SMC2: variants seen among roughly 807,000 people sequenced by gnomAD.
SMC2 encodes the protein structural maintenance of chromosomes 2.
In SMC2, 41 loss-of-function variants were observed where a neutral mutation model predicts 142.6. The ratio of observed to expected loss-of-function variants is 0.29; its 90% CI spans 0.22 to 0.37. The LOEUF is 0.37. Among genes scored for constraint, SMC2 ranks in the 10% least tolerant of loss-of-function variants. SMC2 has a pLI of 1.00. For missense variants in SMC2, 1,265 were observed against 1,373.7 expected (o/e 0.92, Z 1.25); for synonymous variants, 463 against 457.5 (o/e 1.01, Z -0.15).
intron 1 of SMC2, 133 bp downstream of exon 1, chr9:104,094,610 C>T (rs1024010665): frequency 5.3e-6 from 2 of 379,986 alleles, no homozygotes; most frequent in Non-Finnish European, 9.3e-6. Flanking sequence ...CTTAGGTGAT[C>T]CTTAGAAATA....
the SMC2 span, among the ~76,000 whole-genome samples, chr9:104,088,655 C>CTT: frequency 0.9 from 136,217 of 152,098 alleles, 61,219 homozygotes; most frequent in African/African-American, 0.97. Context: ...CTGTGGATCT[C>CTT]ATACTAAATC....
Position 104,113,955 on chromosome 9 carries a change from A to G in SMC2, c.1415-9A>G. On this transcript the variant is annotated splice_polypyrimidine_tract_variant and intron_variant, in intron 11 of 24. Coordinates refer to ENST00000374793, the MANE Select transcript of SMC2 (RefSeq NM_006444.3). Reference sequence around the variant, plus strand: ...ACTTGGTTTTAATTTATTATGATTTATCCTTCAGAAAATAAAGAGGAAAGC... The same window carrying G: ...ACTTGGTTTTAATTTATTATGATTTGTCCTTCAGAAAATAAAGAGGAAAGC... The G allele has an allele frequency of 6.6e-7, 1 of 1,519,304 alleles. No individual in the cohort carries two copies. 94.1% of individuals were successfully genotyped at this position (1,519,304 alleles called of 1,614,324 possible).
intron 13 of SMC2, among the ~76,000 whole-genome samples, chr9:104,115,170 C>A (rs1587943046): frequency 6.6e-6 from 1 of 152,074 alleles, no homozygotes; most frequent in East Asian, 1.9e-4. Context: ...CTTCAGTTCT[C>A]ACTTATTATC....
At chr9:104,092,564 G>A (rs761708421), upstream of SMC2, 5 of 152,172 alleles carry the variant, frequency 3.3e-5, no homozygotes, top group Non-Finnish European at 7.4e-5. Flanking sequence ...AATAGCTGTG[G>A]AGCCCAGGGG....
intron 1 of SMC2, chr9:104,094,756 ACTTCCCCTC>A (rs1830264710): frequency 4.2e-6 from 1 of 238,970 alleles, no homozygotes; most frequent in Admixed American, 5.6e-5. Context: ...TACTTAAATG[ACTTCCCCTC>A]CTCCCGGAGT....
chr9:104,133,345 G>T (rs1282048406), intron 22 of SMC2, among the ~76,000 whole-genome samples: 7 of 152,044 alleles, frequency 4.6e-5, no homozygotes, highest in Admixed American at 4.6e-4. Flanking sequence ...CCCACACTTG[G>T]CCTAGAACCT....
At position 104,126,675 on chromosome 9, in the gene SMC2, T is replaced by C; in HGVS notation, c.2486T>C (p.Leu829Pro). The change falls in exon 19 of 25, where the codon CTC becomes CCC. Residue 829 changes from leucine (L) to proline (P), a missense_variant. Transcript: ENST00000374793. Reference sequence around the variant, plus strand: ...GCTATCACTCTGGAACTGGAAGAGCTCAAGAGAGAGCATACATCTTACAAA... The same window carrying C: ...GCTATCACTCTGGAACTGGAAGAGCCCAAGAGAGAGCATACATCTTACAAA... The part of the protein sequence containing the change: ...VEAITLELEE[L>P]KREHTSYKQQ... 1 of 1,612,182 alleles carries C rather than the reference T, an allele frequency of 6.2e-7. No individual in the cohort carries two copies. The highest frequency in any genetic ancestry group is 8.5e-7 in the Non-Finnish European group (1 of 1,179,538).
At chr9:104,112,913 T>C (rs1037662963) in intron 10 of SMC2, among the ~76,000 whole-genome samples, 3 of 152,164 alleles carry the variant, frequency 2.0e-5, no homozygotes, top group Non-Finnish European at 2.9e-5. Context: ...TTTACTGTTA[T>C]TAGATAGCAC....
Position 104,134,585 on chromosome 9 carries a change from C to A in SMC2, c.3269+10C>A, listed in dbSNP as rs1274074472. The A allele has an allele frequency of 2.0e-6, 3 of 1,508,912 alleles. No individual in the cohort carries two copies. The highest frequency in any genetic ancestry group is 2.4e-5 in the South Asian group (2 of 83,512). 93.5% of individuals were successfully genotyped at this position (1,508,912 alleles called of 1,614,324 possible). A position where few individuals can be genotyped will look rare whatever the true frequency, so the allele number is the denominator to read the frequency against. ...TTAGTGGTGGTCAGAGGTGAGGAAT[C>A]ACTTTGCTATATTATAATTTTCATT... On this transcript the variant is annotated intron_variant, in intron 23 of 24. Coordinates refer to ENST00000374793, the MANE Select transcript of SMC2 (RefSeq NM_006444.3).
intron 2 of SMC2, 119 bp downstream of exon 2, chr9:104,095,671 C>G (rs1237415172): frequency 1.4e-6 from 1 of 709,634 alleles, no homozygotes; most frequent in Non-Finnish European, 2.4e-6. Context: ...TAAATTACAC[C>G]TCACTGCAAC....
At chr9:104,098,230 C>A (rs1249944047) in intron 3 of SMC2, among the ~76,000 whole-genome samples, 1 of 152,200 alleles carries the variant, frequency 6.6e-6, no homozygotes, top group Non-Finnish European at 1.5e-5. Context: ...TGTGTAATTA[C>A]ATAACTAGTT....
At position 104,141,121 on chromosome 9, in the gene SMC2, G is replaced by A. The variant is rs1318092139; in HGVS notation, c.*1806G>A. The A allele has an allele frequency of 6.6e-6, 1 of 152,150 alleles. No homozygotes were observed. The highest frequency in any genetic ancestry group is 2.4e-5 in the African/African-American group (1 of 41,438). 9.4% of individuals were successfully genotyped at this position (152,150 alleles called of 1,614,324 possible). A position where few individuals can be genotyped will look rare whatever the true frequency, so the allele number is the denominator to read the frequency against. On this transcript the variant is annotated 3_prime_UTR_variant, in exon 25 of 25. Coordinates refer to ENST00000374793, the MANE Select transcript of SMC2 (RefSeq NM_006444.3). ...GTTTCACACATCTGCAGTAATATGAGTTAACTAATATTTAACAAGCTCTTT... is the reference window on the plus strand; with the variant it reads ...GTTTCACACATCTGCAGTAATATGAATTAACTAATATTTAACAAGCTCTTT...
At chr9:104,128,325 A>ATTAGC (rs779736907) in intron 20 of SMC2, among the ~76,000 whole-genome samples, 1 of 152,172 alleles carries the variant, frequency 6.6e-6, no homozygotes, top group Non-Finnish European at 1.5e-5. Flanking sequence ...TTGATTTCCC[A>ATTAGC]TTAGCTTAGT....
At chr9:104,134,163 A>G (rs1026522886) in intron 22 of SMC2, among the ~76,000 whole-genome samples, 1 of 152,070 alleles carries the variant, frequency 6.6e-6, no homozygotes, top group Non-Finnish European at 1.5e-5. Flanking sequence ...AGGGCCATAT[A>G]GTAAATATTT....
chr9:104,098,586 T>A lies in SMC2; in HGVS notation c.441+18T>A. 1 of 1,575,428 alleles carries A rather than the reference T, an allele frequency of 6.3e-7. No homozygotes were observed. Among genetic ancestry groups the A allele is most frequent in the Non-Finnish European group, 8.6e-7 (1 of 1,167,878 alleles). ...TCATGCAGGTATTTCGTTTGAGGTCTTTATATCACTTTCGTAATAGTTTCG... is the reference window on the plus strand; with the variant it reads ...TCATGCAGGTATTTCGTTTGAGGTCATTATATCACTTTCGTAATAGTTTCG... On this transcript the variant is annotated intron_variant, in intron 4 of 24. Transcript: ENST00000374793.
Position 104,140,286 on chromosome 9 carries a change from C to T in SMC2, c.*971C>T, listed in dbSNP as rs183425525. The stretch of plus-strand genomic sequence containing the variant: ...AAAAGTTGGATGATTATTTGTCTTC[C>T]GCTTTCCAGTTCAAAGGGATGAAAT... On this transcript the variant is annotated 3_prime_UTR_variant, in exon 25 of 25. Transcript: ENST00000374793. 7.9e-5 allele frequency: 12 copies of T among 152,122 alleles called. No individual in the cohort carries two copies. In the East Asian group the frequency reaches 1.5e-3, roughly 20 times the overall value. 9.4% of individuals were successfully genotyped at this position (152,122 alleles called of 1,614,324 possible).
At chr9:104,106,114 C>G (rs1437170278) in intron 9 of SMC2, among the ~76,000 whole-genome samples, 3 of 152,160 alleles carry the variant, frequency 2.0e-5, no homozygotes, top group Non-Finnish European at 4.4e-5. Flanking sequence ...CCTTCAGTGA[C>G]TTTATGAGTA....
Position 104,139,275 on chromosome 9 carries a change from C to A in SMC2, c.3554C>A (p.Ser1185Tyr), listed in dbSNP as rs1206718212. Reference sequence around the variant, plus strand: ...GGAAAGATTTCAAAGGAAGCAAAATCCAAGGCAAAACCACCCAAAGGAGCA... The same window carrying A: ...GGAAAGATTTCAAAGGAAGCAAAATACAAGGCAAAACCACCCAAAGGAGCA... ...QNGKISKEAK[S>Y]KAKPPKGAHV... The change falls in exon 25 of 25, where the codon TCC (serine) becomes TAC (tyrosine). Residue 1185 changes from serine to tyrosine, a missense_variant. Ser to Tyr is a moderately radical substitution (Grantham distance 144). Coordinates refer to ENST00000374793, the MANE Select transcript of SMC2 (RefSeq NM_006444.3). 1.2e-6 allele frequency: 2 copies of A among 1,601,326 alleles called. No homozygotes were observed. Among genetic ancestry groups the A allele is most frequent in the Admixed American group, 1.7e-5 (1 of 57,286 alleles).
chr9:104,137,795 T>C (rs1024147028), intron 23 of SMC2, among the ~76,000 whole-genome samples: 11 of 150,436 alleles, frequency 7.3e-5, no homozygotes, highest in African/African-American at 2.5e-4. Context: ...TCTATGAAAA[T>C]AGCATGCTTC....
Sources: allele counts gnomAD v4.1 joint callset (sites outside exome capture counted in the v4.1 genomes callset), GRCh38; gene constraint gnomAD v4.1.1; transcripts MANE v1.5; gene names NCBI Gene and HGNC (gene_info 2026-07-23, HGNC 2026-07-21).